The following AK9 variants were observed in gnomAD, a reference collection of about 807,000 sequenced individuals.
AK9 encodes the protein adenylate kinase domain containing 1.
In AK9, 191 loss-of-function variants were observed where a neutral mutation model predicts 239.6. The ratio of observed to expected loss-of-function variants is 0.80; its 90% confidence interval spans 0.71 to 0.90. The LOEUF is 0.90. Among genes scored for constraint, AK9 ranks in the 40% least tolerant of loss-of-function variants. The probability of loss-of-function intolerance (pLI) is 0.00; values close to 1 mark genes in which losing one functional copy is unlikely to be tolerated. For missense variants in AK9, 1,995 were observed against 2,214.7 expected (o/e 0.90, Z 1.99); for synonymous variants, 689 against 721.0 (o/e 0.96, Z 0.71).
rs756527661 is a variant in AK9, at chr6:109,612,140, AT to A, written c.1610-48del. 31 of 1,242,936 alleles carry A rather than the reference AT, an allele frequency of 2.5e-5. No individual in the cohort carries two copies. In the African/African-American group the frequency reaches 4.1e-4, roughly 17 times the overall value. The allele number at this position is 1,242,936 out of a possible 1,614,324, so 77.0% of individuals were successfully genotyped here. On this transcript the variant is annotated intron_variant, in intron 15 of 40. Coordinates refer to ENST00000424296, the MANE Select transcript of AK9 (RefSeq NM_001145128.3). Reference sequence around the variant, plus strand: ...TGCCTAAAGAACGGTATTAAAAAAAATGTAGGTGATTCCCAAGGAAGATTGT... The same window carrying A: ...TGCCTAAAGAACGGTATTAAAAAAAAGTAGGTGATTCCCAAGGAAGATTGT...
intron 35 of AK9, among the ~76,000 whole-genome samples, chr6:109,500,091 C>T (rs1386753411): frequency 6.8e-6 from 1 of 148,120 alleles, no homozygotes; most frequent in Non-Finnish European, 1.5e-5. Context: ...CCTGTGTATA[C>T]CCGCACATTT....
chr6:109,493,351 T>G lies in AK9; in HGVS notation c.*18A>C. 1 of 1,601,148 alleles carries G rather than the reference T, an allele frequency of 6.2e-7. No homozygotes were observed. The highest frequency in any genetic ancestry group is 2.2e-5 in the East Asian group (1 of 44,782). On this transcript the variant is annotated 3_prime_UTR_variant, in exon 41 of 41. Coordinates refer to ENST00000424296, the MANE Select transcript of AK9 (RefSeq NM_001145128.3). ...TTCAGATAACTCTTGAGATTCAGGC[T>G]GCTATCACCTAAGTAAACTACCCAT...
At chr6:109,657,096 T>C (rs546604571) in intron 7 of AK9, among the ~76,000 whole-genome samples, 5 of 152,142 alleles carry the variant, frequency 3.3e-5, no homozygotes, top group Non-Finnish European at 7.4e-5. Flanking sequence ...ACCTGGATAT[T>C]TACTCATTTC....
chr6:109,497,358 A>ACT (rs1237299336), intron 38 of AK9, 107 bp downstream of exon 38: 746 of 582,072 alleles, frequency 1.3e-3, no homozygotes, highest in Admixed American at 2.3e-3. Context: ...ACACACACAC[A>ACT]CACACTCTCT....
In AK9 at chr6:109,610,326, T is replaced by G. The variant is rs1211541402; in HGVS notation, c.1842+39A>C. The stretch of plus-strand genomic sequence containing the variant: ...TAGATTAACATTTTCTCAGTAATAG[T>G]TAAGTCACTGATAAGAATTGCCCAG... On this transcript the variant is annotated intron_variant, in intron 17 of 40. Transcript: ENST00000424296. 3 of 1,537,390 alleles carry G rather than the reference T, an allele frequency of 2.0e-6. No individual in the cohort carries two copies. In the African/African-American group the frequency reaches 4.1e-5, roughly 21 times the overall value.
At chr6:109,608,327 CACAG>C (rs1255829826) in intron 17 of AK9, among the ~76,000 whole-genome samples, 1 of 148,440 alleles carries the variant, frequency 6.7e-6, no homozygotes, top group Non-Finnish European at 1.5e-5. Context: ...GTGGCTCTGG[CACAG>C]ACAAACAAAC....
chr6:109,665,963 T>C (rs1263347469), intron 5 of AK9, among the ~76,000 whole-genome samples: 1 of 152,210 alleles, frequency 6.6e-6, no homozygotes, highest in African/African-American at 2.4e-5. Context: ...CGTGCAACTG[T>C]TTGCAGGAAT....
intron 26 of AK9, among the ~76,000 whole-genome samples, chr6:109,543,663 G>T (rs1281445693): frequency 1.3e-5 from 2 of 151,972 alleles, no homozygotes; most frequent in African/African-American, 4.8e-5. Context: ...GGCCAGGCTG[G>T]TCTTGAACTC....
At chr6:109,596,610 T>G (rs1791066949) in intron 17 of AK9, among the ~76,000 whole-genome samples, 1 of 152,118 alleles carries the variant, frequency 6.6e-6, no homozygotes, top group Non-Finnish European at 1.5e-5. Context: ...GTGTGCCTAA[T>G]GCCTAGAAAT....
intron 28 of AK9, among the ~76,000 whole-genome samples, chr6:109,530,831 A>T (rs1781134980): frequency 6.6e-6 from 1 of 152,182 alleles, no homozygotes; most frequent in South Asian, 2.1e-4. Context: ...ACTACCAGAT[A>T]TGGTCTCGAT....
At chr6:109,640,521 G>A (rs1044376271) in intron 10 of AK9, among the ~76,000 whole-genome samples, 4 of 152,000 alleles carry the variant, frequency 2.6e-5, no homozygotes, top group African/African-American at 4.8e-5. Context: ...CATCGATCCC[G>A]CTGGGAGCTG....
rs577256879 is a variant in AK9 at position 109,581,841 on chromosome 6, G to C, written c.2115-2215C>G. Among the ~76,000 whole-genome samples the C allele has an allele frequency of 2.0e-5, 3 of 152,334 alleles. No homozygotes were observed. In the South Asian group the frequency reaches 6.2e-4, roughly 32 times the overall value. ...ATGCCATCTAGGACTTTCAGAGTTA[G>C]AGAGGAGAAGTCAATGCCTGGCTTC... On this transcript the variant is annotated intron_variant, in intron 19 of 40. Transcript: ENST00000424296.
intron 32 of AK9, among the ~76,000 whole-genome samples, chr6:109,509,789 C>T (rs1358896600): frequency 2.0e-5 from 3 of 152,140 alleles, no homozygotes; most frequent in Non-Finnish European, 2.9e-5. Flanking sequence ...GAGCTGCGGA[C>T]AAGCAGGAAC....
At chr6:109,494,275 T>C (rs956085027) in intron 39 of AK9, among the ~76,000 whole-genome samples, 180 bp from the exon 40 acceptor site, 1 of 152,224 alleles carries the variant, frequency 6.6e-6, no homozygotes, top group Non-Finnish European at 1.5e-5. Context: ...ACAAAATACA[T>C]TTGATTAGGA....
At chr6:109,571,108 C>T (rs530131101) in intron 21 of AK9, among the ~76,000 whole-genome samples, 28 of 152,216 alleles carry the variant, frequency 1.8e-4, no homozygotes, top group African/African-American at 2.2e-4. Context: ...AAATATGCCA[C>T]GCTGGATCCT....
chr6:109,643,569 CG>C (rs1797702819), intron 9 of AK9, among the ~76,000 whole-genome samples: 1 of 152,302 alleles, frequency 6.6e-6, no homozygotes, highest in African/African-American at 2.4e-5. Context: ...TTGCTTGGAA[CG>C]GAGTGATCTT....
intron 15 of AK9, among the ~76,000 whole-genome samples, chr6:109,612,640 G>T (rs1793710207): frequency 6.6e-6 from 1 of 151,972 alleles, no homozygotes; most frequent in African/African-American, 2.4e-5. Flanking sequence ...ATAGGGGGTG[G>T]GGTCGTTCTG....
chr6:109,596,475 C>G (rs1791045590), intron 17 of AK9, among the ~76,000 whole-genome samples: 1 of 152,196 alleles, frequency 6.6e-6, no homozygotes, highest in Admixed American at 6.5e-5. Flanking sequence ...TTTGGAGGAC[C>G]TAGAAGAGTG....
chr6:109,551,055 T>A (rs1351390832), intron 24 of AK9, among the ~76,000 whole-genome samples: 9 of 152,146 alleles, frequency 5.9e-5, no homozygotes, highest in Admixed American at 5.9e-4. Flanking sequence ...AAAATAGATA[T>A]ATATTTAGGC....
Sources: allele counts gnomAD v4.1 joint callset (sites outside exome capture counted in the v4.1 genomes callset), GRCh38; gene constraint gnomAD v4.1.1; transcripts MANE v1.5; gene names NCBI Gene and HGNC (gene_info 2026-07-23, HGNC 2026-07-21).